The following AGBL1 variants were observed in gnomAD, a reference collection of about 807,000 sequenced individuals.
AGBL1 encodes AGBL carboxypeptidase 1, also known as cytosolic carboxypeptidase 4.
A neutral mutation model predicts 118.9 loss-of-function variants in AGBL1; 130 were observed. That is an observed-to-expected ratio of 1.09 (90% CI 0.95 to 1.26). The LOEUF (loss-of-function observed/expected upper bound fraction) is 1.26, where lower values mean the gene tolerates loss of function less well. Ranked by LOEUF, AGBL1 falls within the 50% of genes most tolerant of loss-of-function variation. The pLI is 0.00. For missense variants in AGBL1, 1,584 were observed against 1,298.1 expected, an observed-to-expected ratio of 1.22 and a Z score of -3.38; for synonymous variants, 555 against 478.9, an observed-to-expected ratio of 1.16 and a Z score of -2.08.
intron 19 of AGBL1, among the ~76,000 whole-genome samples, chr15:86,525,156 A>C (rs2083246198): frequency 1.4e-5 from 2 of 141,410 alleles, no homozygotes; most frequent in African/African-American, 6.4e-5. Flanking sequence ...AACAATAGCT[A>C]CAAAAAAAAA....
intron 6 of AGBL1, among the ~76,000 whole-genome samples, chr15:86,236,952 C>CGGGGGGGGGGGGGGGGGG (rs1398987301): frequency 2.9e-4 from 3 of 10,300 alleles, no homozygotes; most frequent in South Asian, 3.9e-3. Flanking sequence ...CGGGGGGGGG[C>CGGGGGGGGGGGGGGGGGG]GGGGGGGCGC....
At chr15:87,024,645 C>T (rs2081706881) in intron 24 of AGBL1, among the ~76,000 whole-genome samples, 1 of 151,986 alleles carries the variant, frequency 6.6e-6, no homozygotes, top group Admixed American at 6.6e-5. Flanking sequence ...TCTATGAAGC[C>T]AGTATCACCC....
intron 22 of AGBL1, among the ~76,000 whole-genome samples, chr15:86,725,955 A>G (rs2086811968): frequency 6.6e-6 from 1 of 152,066 alleles, no homozygotes; most frequent in Non-Finnish European, 1.5e-5. Flanking sequence ...TTGTGTTCCC[A>G]GTACTAATTC....
chr15:86,820,204 G>A (rs973549272), intron 22 of AGBL1, among the ~76,000 whole-genome samples: 1 of 152,098 alleles, frequency 6.6e-6, no homozygotes, highest in Non-Finnish European at 1.5e-5. Flanking sequence ...AGAAAACCTA[G>A]GTAATACCAT....
intron 22 of AGBL1, among the ~76,000 whole-genome samples, chr15:86,880,354 T>G (rs1003335723): frequency 5.9e-5 from 9 of 152,164 alleles, no homozygotes; most frequent in African/African-American, 2.2e-4. Flanking sequence ...TAACTCTTAA[T>G]AAAATAATCA....
At chr15:86,499,357 G>A (rs1243637186) in intron 18 of AGBL1, among the ~76,000 whole-genome samples, 1 of 151,852 alleles carries the variant, frequency 6.6e-6, no homozygotes, top group Admixed American at 6.6e-5. Flanking sequence ...TGGGATTCTG[G>A]AGAAAAGAAT....
chr15:86,904,171 G>C (rs947595331), intron 22 of AGBL1, among the ~76,000 whole-genome samples: 3 of 152,092 alleles, frequency 2.0e-5, no homozygotes, highest in African/African-American at 7.2e-5. Context: ...TTAATCATCT[G>C]CACCTCTTGG....
In AGBL1 at chr15:86,869,449, C is replaced by A. The variant is rs540317727; in HGVS notation, c.3159-37638C>A. ...TTTGGTTTCCTTCCTTAGCAATAAA[C>A]ATGTAGATGTTTTAATCTAAGATAT... On this transcript the variant is annotated intron_variant, in intron 22 of 22. Transcript: ENST00000614907. Among the ~76,000 whole-genome samples, 124 of 152,178 alleles carry A rather than the reference C, an allele frequency of 8.1e-4. 1 individual carries two copies. Among genetic ancestry groups the A allele is most frequent in the Non-Finnish European group, 1.5e-3 (99 of 67,992 alleles).
intron 23 of AGBL1, among the ~76,000 whole-genome samples, chr15:86,955,311 A>C (rs1432761056): frequency 3.9e-5 from 6 of 152,172 alleles, no homozygotes; most frequent in African/African-American, 1.2e-4. Context: ...TCATAGAATC[A>C]CAATGAAAAC....
At chr15:86,843,355 TA>T (rs35301943) in intron 22 of AGBL1, among the ~76,000 whole-genome samples, 2 of 152,034 alleles carry the variant, frequency 1.3e-5, no homozygotes, top group African/African-American at 2.4e-5. Flanking sequence ...TTTTCTTTTT[TA>T]AAAAATAATT....
chr15:87,012,918 T>C (rs895813204), intron 24 of AGBL1, among the ~76,000 whole-genome samples: 2 of 152,116 alleles, frequency 1.3e-5, no homozygotes, highest in East Asian at 3.9e-4. Flanking sequence ...GTTTCTGAGT[T>C]GAGAGATAAT....
intron 19 of AGBL1, among the ~76,000 whole-genome samples, chr15:86,524,275 T>C (rs2083231209): frequency 6.6e-6 from 1 of 152,214 alleles, no homozygotes; most frequent in African/African-American, 2.4e-5. Flanking sequence ...GGGAGCTCCA[T>C]GACTATCCGC....
intron 1 of AGBL1, among the ~76,000 whole-genome samples, chr15:86,103,175 T>C (rs1473440721): frequency 6.6e-6 from 1 of 152,228 alleles, no homozygotes; most frequent in Non-Finnish European, 1.5e-5. Context: ...ATCTTTTTGG[T>C]AAATTTGTCA....
intron 21 of AGBL1, among the ~76,000 whole-genome samples, chr15:86,670,570 C>T (rs1338942499): frequency 6.7e-6 from 1 of 148,274 alleles, no homozygotes; most frequent in Admixed American, 6.7e-5. Flanking sequence ...TGCCACTGCA[C>T]TCCAGCCTGG....
At chr15:86,931,924 C>G (rs1486275142) in intron 23 of AGBL1, among the ~76,000 whole-genome samples, 3 of 152,036 alleles carry the variant, frequency 2.0e-5, no homozygotes, top group Admixed American at 1.3e-4. Context: ...AAAAAAAAAT[C>G]AAGTGTGATG....
chr15:86,618,497 C>G (rs367695608), intron 21 of AGBL1, among the ~76,000 whole-genome samples: 9 of 152,188 alleles, frequency 5.9e-5, no homozygotes, highest in Non-Finnish European at 1.0e-4. Flanking sequence ...TCTCTGGGCT[C>G]TAGCTCCAGA....
At chr15:86,401,980 T>C (rs1320411062) in intron 18 of AGBL1, among the ~76,000 whole-genome samples, 1 of 152,022 alleles carries the variant, frequency 6.6e-6, no homozygotes, top group Non-Finnish European at 1.5e-5. Context: ...TTCTAGTTCT[T>C]TGAAGAATGA....
At chr15:86,675,668 G>A (rs2085830127) in intron 22 of AGBL1, among the ~76,000 whole-genome samples, 1 of 152,138 alleles carries the variant, frequency 6.6e-6, no homozygotes. Flanking sequence ...CTCTCCCTCT[G>A]ACAGCAAGCG....
At chr15:86,534,087 A>G (rs1213531546) in intron 19 of AGBL1, among the ~76,000 whole-genome samples, 1 of 126,532 alleles carries the variant, frequency 7.9e-6, no homozygotes, top group African/African-American at 3.2e-5. Context: ...CAATGTGCAC[A>G]TGTACCCTAA....
Sources: gnomAD v4.1 joint callset for allele counts (sites outside exome capture counted in the v4.1 genomes callset) on GRCh38, gnomAD v4.1.1 for gene constraint, MANE v1.5 for transcripts, NCBI Gene and HGNC (gene_info 2026-07-23, HGNC 2026-07-21) for gene names.